KCTD16: variants seen among roughly 807,000 people sequenced by gnomAD.
KCTD16 encodes potassium channel tetramerization domain containing 16, also known as BTB/POZ domain-containing protein KCTD16.
A neutral mutation model predicts 33.2 loss-of-function variants in KCTD16; 13 were observed. The observed-to-expected ratio is 0.39, with a 90% CI of 0.25 to 0.62. KCTD16 has a LOEUF of 0.62. KCTD16 is among the 20% of genes least tolerant of loss of function. KCTD16 has a pLI of 0.50. For missense variants in KCTD16, 441 were observed against 525.1 expected, an observed-to-expected ratio of 0.84 and a Z score of 1.57; for synonymous variants, 197 against 195.3, an observed-to-expected ratio of 1.01 and a Z score of -0.07.
intron 3 of KCTD16, among the ~76,000 whole-genome samples, chr5:144,326,902 A>G (rs974176825): frequency 6.6e-6 from 1 of 152,200 alleles, no homozygotes; most frequent in Non-Finnish European, 1.5e-5. Flanking sequence ...ATATTATAAC[A>G]TTATGGCCAG....
At chr5:144,286,184 T>C (rs1223975764) in intron 3 of KCTD16, among the ~76,000 whole-genome samples, 1 of 152,166 alleles carries the variant, frequency 6.6e-6, no homozygotes, top group Non-Finnish European at 1.5e-5. Flanking sequence ...TTTGAGATAA[T>C]AGCAAATCTC....
intron 3 of KCTD16, among the ~76,000 whole-genome samples, chr5:144,214,664 T>C (rs1753505241): frequency 6.6e-6 from 1 of 152,198 alleles, no homozygotes; most frequent in Non-Finnish European, 1.5e-5. Context: ...TCCATCTGCT[T>C]TGGTTAGCTA....
intron 3 of KCTD16, among the ~76,000 whole-genome samples, chr5:144,457,417 A>G (rs1413111290): frequency 2.0e-5 from 3 of 152,310 alleles, no homozygotes; most frequent in African/African-American, 7.2e-5. Context: ...GAAGCCCTGG[A>G]GAAGGAACAA....
intron 2 of KCTD16, among the ~76,000 whole-genome samples, chr5:144,183,758 A>T (rs1752671489): frequency 6.6e-6 from 1 of 152,222 alleles, no homozygotes; most frequent in Non-Finnish European, 1.5e-5. Flanking sequence ...GTGCCTAGCA[A>T]ATGGTAGGTG....
At chr5:144,250,854 T>C (rs1157053013) in intron 3 of KCTD16, among the ~76,000 whole-genome samples, 1 of 152,210 alleles carries the variant, frequency 6.6e-6, no homozygotes, top group Non-Finnish European at 1.5e-5. Context: ...TTATGCATAA[T>C]TGCATTCATG....
intron 3 of KCTD16, among the ~76,000 whole-genome samples, chr5:144,388,604 G>C (rs1423660128): frequency 6.6e-6 from 1 of 152,140 alleles, no homozygotes; most frequent in Non-Finnish European, 1.5e-5. Flanking sequence ...AATTTATGCA[G>C]TCTTGGCTGT....
chr5:144,330,241 C>T (rs1034231716), intron 3 of KCTD16, among the ~76,000 whole-genome samples: 2 of 151,704 alleles, frequency 1.3e-5, no homozygotes, highest in African/African-American at 2.4e-5. Flanking sequence ...GGTGAAACCC[C>T]GTCTCTACTA....
chr5:144,408,894 C>T (rs1445664499), intron 3 of KCTD16, among the ~76,000 whole-genome samples: 1 of 152,200 alleles, frequency 6.6e-6, no homozygotes, highest in Non-Finnish European at 1.5e-5. Context: ...TTCTTAACTT[C>T]AGGTCAAATG....
chr5:144,415,271 C>T (rs1424845674), intron 3 of KCTD16, among the ~76,000 whole-genome samples: 1 of 152,126 alleles, frequency 6.6e-6, no homozygotes, highest in African/African-American at 2.4e-5. Context: ...CCAAGCACCT[C>T]CCATTAGGCG....
At chr5:144,269,557 A>G (rs909190960) in intron 3 of KCTD16, among the ~76,000 whole-genome samples, 1 of 152,098 alleles carries the variant, frequency 6.6e-6, no homozygotes, top group African/African-American at 2.4e-5. Flanking sequence ...AAGGTGAGGA[A>G]ATTTTTACTA....
chr5:144,237,267 C>T (rs1754280051), intron 3 of KCTD16, among the ~76,000 whole-genome samples: 1 of 152,048 alleles, frequency 6.6e-6, no homozygotes, highest in Non-Finnish European at 1.5e-5. Flanking sequence ...TCTAGTTTCT[C>T]ATCCCATTAA....
rs751303206 is a variant in KCTD16, at chr5:144,207,586, A to G, written c.832+40A>G. 4.6e-5 allele frequency: 64 copies of G among 1,405,268 alleles called. No individual in the cohort carries two copies. The East Asian group carries it at 8.5e-4, about 19-fold the overall frequency. The allele number at this position is 1,405,268 out of a possible 1,614,324, so 87.0% of individuals were successfully genotyped here. Reference sequence around the variant, plus strand: ...TTGTTTTAATTTTTTATGTGTGTCAATGCTCTTCACAAATGTATATGGTCT... The same window carrying G: ...TTGTTTTAATTTTTTATGTGTGTCAGTGCTCTTCACAAATGTATATGGTCT... On this transcript the variant is annotated intron_variant, in intron 3 of 3. Transcript: ENST00000512467.
At chr5:144,261,168 A>T (rs1754998562) in intron 3 of KCTD16, among the ~76,000 whole-genome samples, 1 of 62,952 alleles carries the variant, frequency 1.6e-5, no homozygotes, top group Admixed American at 1.5e-4. Flanking sequence ...GAACAACAAC[A>T]AAAAAAAAAA....
chr5:144,407,583 G>A (rs1752839691), intron 3 of KCTD16, among the ~76,000 whole-genome samples: 1 of 151,962 alleles, frequency 6.6e-6, no homozygotes, highest in Non-Finnish European at 1.5e-5. Flanking sequence ...GAATGTGCAG[G>A]TTTGTTACAT....
In KCTD16 at chr5:144,474,245, A is replaced by G. The variant is rs1754546609; in HGVS notation, c.*131A>G. 2.9e-6 allele frequency: 2 copies of G among 694,244 alleles called. No homozygotes were observed. Among genetic ancestry groups the G allele is most frequent in the Non-Finnish European group, 4.7e-6 (2 of 421,198 alleles). The allele number at this position is 694,244 out of a possible 1,614,324, so 43.0% of individuals were successfully genotyped here. ...TCTTAGAACACAATAGTCCATTGAT[A>G]TACTACTGCCTACTTTACCTAGTTC... is the stretch of plus-strand genomic sequence containing the variant. On this transcript the variant is annotated 3_prime_UTR_variant, in exon 4 of 4. Transcript: ENST00000512467.
chr5:144,336,873 C>G (rs244537), intron 3 of KCTD16, among the ~76,000 whole-genome samples: 47 of 151,846 alleles, frequency 3.1e-4, no homozygotes, highest in Non-Finnish European at 5.6e-4. Flanking sequence ...ATGAAACTAC[C>G]TGGAAGGTTG....
At chr5:144,409,710 T>C (rs1335617329) in intron 3 of KCTD16, among the ~76,000 whole-genome samples, 1 of 151,726 alleles carries the variant, frequency 6.6e-6, no homozygotes, top group South Asian at 2.1e-4. Flanking sequence ...ATACAAAAAA[T>C]TGGCTGGATG....
chr5:144,259,479 C>T (rs1580826663), intron 3 of KCTD16, among the ~76,000 whole-genome samples: 1 of 152,142 alleles, frequency 6.6e-6, no homozygotes, highest in Non-Finnish European at 1.5e-5. Context: ...AGAACCAGTA[C>T]CTGGACTCAA....
At chr5:144,465,420 A>C (rs764889839) in intron 3 of KCTD16, among the ~76,000 whole-genome samples, 10 of 152,088 alleles carry the variant, frequency 6.6e-5, no homozygotes, top group Non-Finnish European at 1.2e-4. Context: ...CCTTCTGTCC[A>C]TGTGGCTTTG....
Sources: allele counts gnomAD v4.1 joint callset (sites outside exome capture counted in the v4.1 genomes callset), GRCh38; gene constraint gnomAD v4.1.1; transcripts MANE v1.5; gene names NCBI Gene and HGNC (gene_info 2026-07-23, HGNC 2026-07-21).